DHRSX: variants seen among roughly 807,000 people sequenced by gnomAD.
DHRSX encodes the protein dehydrogenase/reductase X-linked, also known as polyprenol dehydrogenase.
DHRSX carries 31 observed loss-of-function variants against 34.0 expected under a neutral mutation model. That is an observed-to-expected ratio of 0.91 (90% CI 0.69 to 1.23). DHRSX has a LOEUF of 1.23. Ranked by LOEUF, DHRSX falls within the 50% of genes most tolerant of loss-of-function variation. The pLI, the probability that DHRSX is intolerant of heterozygous loss-of-function variation, is 0.00. For missense variants in DHRSX, 414 were observed against 428.1 expected, an observed-to-expected ratio of 0.97 and a Z score of 0.29; for synonymous variants, 201 against 183.8, an observed-to-expected ratio of 1.09 and a Z score of -0.76.
chrX:2,241,897 G>A (rs956923250), intron 6 of DHRSX, among the ~76,000 whole-genome samples: 6 of 152,142 alleles, frequency 3.9e-5, no homozygotes, highest in Middle Eastern at 3.4e-3. Context: ...AACACAGAAC[G>A]AAACTCCGTC....
intron 1 of DHRSX, among the ~76,000 whole-genome samples, chrX:2,462,326 G>GT (rs200131143): frequency 0.043 from 6,505 of 151,218 alleles, 220 homozygotes; most frequent in South Asian, 0.093. Flanking sequence ...GTTCATAAAT[G>GT]TTTTTTTCTG....
At chrX:2,262,392 C>T (rs2041375706) in intron 5 of DHRSX, among the ~76,000 whole-genome samples, 1 of 152,058 alleles carries the variant, frequency 6.6e-6, no homozygotes, top group Admixed American at 6.6e-5. Flanking sequence ...ACTCACGCAC[C>T]TTATCTGTGC....
Position 2,351,578 on chromosome X carries a change from G to C in DHRSX, c.286+57167C>G, listed in dbSNP as rs182820881. On this transcript the variant is annotated intron_variant, in intron 3 of 6. Transcript: ENST00000334651. ...GAAAGGCCAGTGTGCTGGACATGGG[G>C]AGGGCCATGCTATGCACTCTGGTGT... Among the ~76,000 whole-genome samples the C allele has an allele frequency of 2.6e-3, 396 of 152,338 alleles. 1 individual carries two copies. The highest frequency in any genetic ancestry group is 4.2e-3 in the Non-Finnish European group (287 of 68,034).
chrX:2,345,359 T>G (rs181376733), intron 3 of DHRSX, among the ~76,000 whole-genome samples: 4,087 of 151,846 alleles, frequency 0.027, 103 homozygotes, highest in Non-Finnish European at 0.041. Flanking sequence ...AACAAAAGAC[T>G]GGGCTGGGTG....
chrX:2,333,286 C>A (rs1331428169), intron 3 of DHRSX, among the ~76,000 whole-genome samples: 2 of 152,126 alleles, frequency 1.3e-5, no homozygotes, highest in African/African-American at 4.8e-5. Context: ...TGCAGCTGTA[C>A]AAACATGTAT....
At position 2,259,181 on chromosome X, in the gene DHRSX, G is replaced by A. The variant is rs182416333; in HGVS notation, c.596+7559C>T. Among the ~76,000 whole-genome samples, 225 of 151,964 alleles carry A rather than the reference G, an allele frequency of 1.5e-3. 1 individual carries two copies. Among genetic ancestry groups the A allele is most frequent in the African/African-American group, 4.7e-3 (196 of 41,508 alleles). ...CCAGCTACTCAGGAGGCTGAGGCAG[G>A]AGAATCGCTTGAACCCAGGAGGTAG... On this transcript the variant is annotated intron_variant, in intron 5 of 6. Transcript: ENST00000334651.
intron 1 of DHRSX, among the ~76,000 whole-genome samples, chrX:2,460,522 G>A (rs1288720347): frequency 4.0e-5 from 6 of 151,326 alleles, no homozygotes; most frequent in Non-Finnish European, 7.4e-5. Context: ...GGGCTCAAGC[G>A]ATCCTTCAGC....
chrX:2,383,771 T>G (rs2043240686), intron 3 of DHRSX, among the ~76,000 whole-genome samples: 1 of 152,192 alleles, frequency 6.6e-6, no homozygotes, highest in East Asian at 1.9e-4. Flanking sequence ...AGCAGGGAGT[T>G]GTAAGGCACC....
In DHRSX at chrX:2,231,710, CTCTT is replaced by C. The variant is rs1197682842; in HGVS notation, c.805-10485_805-10482del. ...CTTCTTGCCTTTTCACTCTCTATTC[CTCTT>C]TTTTTCTCCTCCATCTTCTCTTCTT... On this transcript the variant is annotated intron_variant, in intron 6 of 6. Transcript: ENST00000334651. Among the ~76,000 whole-genome samples the C allele has an allele frequency of 4.1e-5, 6 of 147,954 alleles. No homozygotes were observed. In the East Asian group the frequency reaches 5.9e-4, roughly 15 times the overall value.
At chrX:2,413,166 G>A (rs192287823) in intron 2 of DHRSX, among the ~76,000 whole-genome samples, 18,782 of 152,104 alleles carry the variant, frequency 0.12, 1,293 homozygotes, top group Middle Eastern at 0.18. Context: ...CTGCACTCCA[G>A]CCTGGTGACA....
intron 3 of DHRSX, among the ~76,000 whole-genome samples, chrX:2,338,500 G>A (rs1197392649): frequency 6.6e-6 from 1 of 151,882 alleles, no homozygotes; most frequent in Non-Finnish European, 1.5e-5. Context: ...GGTCGAATGG[G>A]AGGGGTTTGA....
chrX:2,446,312 G>C (rs1006789364), intron 1 of DHRSX, among the ~76,000 whole-genome samples: 3 of 145,970 alleles, frequency 2.1e-5, no homozygotes, highest in Non-Finnish European at 4.5e-5. Context: ...CGCTGTGTAG[G>C]CACTGAAGAC....
chrX:2,307,960 C>G (rs1226398243), intron 3 of DHRSX, among the ~76,000 whole-genome samples: 2 of 151,934 alleles, frequency 1.3e-5, no homozygotes, highest in Admixed American at 1.3e-4. Flanking sequence ...CGTCCCTTTC[C>G]CAGGGCACCA....
intron 4 of DHRSX, among the ~76,000 whole-genome samples, chrX:2,271,945 G>A (rs1488562243): frequency 1.3e-5 from 2 of 152,042 alleles, no homozygotes; most frequent in African/African-American, 2.4e-5. Context: ...GGAAGCTGAG[G>A]CAGGAGAATC....
At chrX:2,412,151 C>T (rs193137005) in intron 2 of DHRSX, among the ~76,000 whole-genome samples, 164 of 152,246 alleles carry the variant, frequency 1.1e-3, no homozygotes, top group Non-Finnish European at 8.5e-4. Flanking sequence ...ACACCGCACA[C>T]GTCCCAAACA....
chrX:2,483,587 C>A (rs191065777), intron 1 of DHRSX, among the ~76,000 whole-genome samples: 2 of 151,974 alleles, frequency 1.3e-5, no homozygotes, highest in Admixed American at 1.3e-4. Flanking sequence ...CTGTTTTAAT[C>A]AGCAATTCTG....
At chrX:2,433,511 C>T (rs2043953660) in intron 1 of DHRSX, among the ~76,000 whole-genome samples, 1 of 151,962 alleles carries the variant, frequency 6.6e-6, no homozygotes, top group South Asian at 2.1e-4. Flanking sequence ...AGCTTTTAAG[C>T]CCTGCATGCA....
chrX:2,243,291 C>T, intron 5 of DHRSX, 61 bp from the exon 6 acceptor site: 1 of 1,479,160 alleles, frequency 6.8e-7, no homozygotes, highest in Non-Finnish European at 9.4e-7. Flanking sequence ...AGTGCTTCAT[C>T]CCAGCAGCAT....
At chrX:2,460,792 A>C (rs966058869) in intron 1 of DHRSX, among the ~76,000 whole-genome samples, 3 of 152,110 alleles carry the variant, frequency 2.0e-5, no homozygotes, top group African/African-American at 7.2e-5. Flanking sequence ...TATGTTGACC[A>C]GGCTGGTCTC....
Sources: allele counts gnomAD v4.1 joint callset (sites outside exome capture counted in the v4.1 genomes callset), GRCh38; gene constraint gnomAD v4.1.1; transcripts MANE v1.5; gene names NCBI Gene and HGNC (gene_info 2026-07-23, HGNC 2026-07-21).